Variants in DCC observed in about 807,000 individuals in gnomAD.
DCC encodes the protein netrin receptor DCC.
In DCC, 58 loss-of-function variants were observed where a neutral mutation model predicts 172.5. That is an observed-to-expected ratio of 0.34 (90% confidence interval 0.27 to 0.42). The LOEUF (loss-of-function observed/expected upper bound fraction) is 0.42, where lower values mean the gene tolerates loss of function less well. DCC is among the 10% of genes least tolerant of loss of function. The pLI is 1.00. For synonymous variants in DCC, 709 were observed against 644.5 expected (o/e 1.10, Z -1.52); for missense variants, 1,740 against 1,791.0 (o/e 0.97, Z 0.51).
At chr18:52,903,265 G>A (rs2039835436) in intron 2 of DCC, among the ~76,000 whole-genome samples, 1 of 152,124 alleles carries the variant, frequency 6.6e-6, no homozygotes, top group South Asian at 2.1e-4. Context: ...CAGTGCAGTG[G>A]CACAGTCTTA....
At chr18:52,846,367 G>A (rs566708860) in intron 2 of DCC, among the ~76,000 whole-genome samples, 75 of 151,988 alleles carry the variant, frequency 4.9e-4, no homozygotes, top group Non-Finnish European at 8.5e-4. Context: ...CATGGCGAAT[G>A]CTTTCTCCAC....
intron 1 of DCC, among the ~76,000 whole-genome samples, chr18:52,592,489 G>T (rs531633630): frequency 1.3e-5 from 2 of 152,138 alleles, no homozygotes; most frequent in Non-Finnish European, 2.9e-5. Flanking sequence ...ACTTTACAAA[G>T]GCTCACTCTA....
chr18:53,394,195 A>C (rs1267009001), intron 17 of DCC, among the ~76,000 whole-genome samples: 1 of 152,214 alleles, frequency 6.6e-6, no homozygotes, highest in Non-Finnish European at 1.5e-5. Flanking sequence ...ACCTCCTGTC[A>C]TGAAACTTAA....
At chr18:52,937,132 C>T (rs901375110) in intron 5 of DCC, among the ~76,000 whole-genome samples, 2 of 151,982 alleles carry the variant, frequency 1.3e-5, no homozygotes, top group Admixed American at 6.6e-5. Context: ...ACATTCCACC[C>T]GTGGTATATG....
At chr18:52,343,551 T>C (rs549989951) in intron 1 of DCC, among the ~76,000 whole-genome samples, 1 of 152,262 alleles carries the variant, frequency 6.6e-6, no homozygotes, top group Non-Finnish European at 1.5e-5. Context: ...GATGGTGACT[T>C]TTTAGTTGGC....
chr18:52,665,863 T>C (rs924343798), intron 1 of DCC, among the ~76,000 whole-genome samples: 2 of 152,226 alleles, frequency 1.3e-5, no homozygotes, highest in Admixed American at 6.5e-5. Flanking sequence ...CAAAGGAATC[T>C]AGAGTTCAAT....
At chr18:53,056,416 T>G (rs2042405066) in intron 5 of DCC, among the ~76,000 whole-genome samples, 1 of 152,150 alleles carries the variant, frequency 6.6e-6, no homozygotes, top group African/African-American at 2.4e-5. Context: ...CACCAATATG[T>G]TATCTCCAAA....
chr18:52,778,107 C>A (rs2037466250), intron 2 of DCC, among the ~76,000 whole-genome samples: 1 of 152,142 alleles, frequency 6.6e-6, no homozygotes, highest in Admixed American at 6.5e-5. Flanking sequence ...CCTCAGCTAT[C>A]ATACTAAGAA....
rs986534122 is a variant in DCC at position 53,535,579 on chromosome 18, A to C, written c.*4926A>C. On this transcript the variant is annotated 3_prime_UTR_variant, in exon 29 of 29. Coordinates refer to ENST00000442544, the MANE Select transcript of DCC (RefSeq NM_005215.4). ...TTTAACTAGCCTTAGTGAGAAAAGA[A>C]ATTTTTTGTTGTTACAAAACACCTT... The C allele has an allele frequency of 2.6e-5, 4 of 152,214 alleles. No individual in the cohort carries two copies. The highest frequency in any genetic ancestry group is 4.4e-5 in the Non-Finnish European group (3 of 68,034). 9.4% of individuals were successfully genotyped at this position (152,214 alleles called of 1,614,324 possible). A position where few individuals can be genotyped will look rare whatever the true frequency, so the allele number is the denominator to read the frequency against.
At chr18:53,470,675 C>T (rs188799330) in intron 25 of DCC, among the ~76,000 whole-genome samples, 33 of 151,914 alleles carry the variant, frequency 2.2e-4, no homozygotes, top group African/African-American at 6.8e-4. Context: ...AGAATCATGG[C>T]GGAAGGTGAA....
intron 2 of DCC, among the ~76,000 whole-genome samples, chr18:52,841,514 G>A (rs2038807063): frequency 6.6e-6 from 1 of 152,160 alleles, no homozygotes. Context: ...AAGGCATTCT[G>A]TCCGAGAAAG....
chr18:52,576,239 C>T (rs2033408823), intron 1 of DCC, among the ~76,000 whole-genome samples: 1 of 152,208 alleles, frequency 6.6e-6, no homozygotes, highest in South Asian at 2.1e-4. Flanking sequence ...GCATAGATGT[C>T]CGCAATCCAA....
chr18:52,643,797 C>A (rs1189845978), intron 1 of DCC, among the ~76,000 whole-genome samples: 2 of 152,106 alleles, frequency 1.3e-5, no homozygotes, highest in East Asian at 3.9e-4. Flanking sequence ...AACTTGTAGG[C>A]AAAGAGGAGA....
At chr18:52,833,922 C>T (rs2038659398) in intron 2 of DCC, among the ~76,000 whole-genome samples, 1 of 152,140 alleles carries the variant, frequency 6.6e-6, no homozygotes, top group Non-Finnish European at 1.5e-5. Flanking sequence ...CTTCGGCCTC[C>T]CAAAGTACTG....
At chr18:53,429,329 C>T (rs1380276241) in intron 21 of DCC, among the ~76,000 whole-genome samples, 1 of 151,000 alleles carries the variant, frequency 6.6e-6, no homozygotes, top group Admixed American at 6.7e-5. Context: ...AAGATGTAAA[C>T]CAAGAGCAGA....
chr18:53,165,074 T>C (rs2054895816), intron 8 of DCC, among the ~76,000 whole-genome samples: 3 of 152,282 alleles, frequency 2.0e-5, no homozygotes, highest in African/African-American at 4.8e-5. Context: ...GATGAGAGAA[T>C]TAAAACAATT....
At chr18:52,718,385 AT>A (rs1203792932) in intron 1 of DCC, among the ~76,000 whole-genome samples, 1 of 152,198 alleles carries the variant, frequency 6.6e-6, no homozygotes, top group Non-Finnish European at 1.5e-5. Flanking sequence ...CAAAAATCAA[AT>A]TTGGTTTAAG....
chr18:53,046,639 C>A (rs1289069544), intron 5 of DCC, among the ~76,000 whole-genome samples: 8 of 151,946 alleles, frequency 5.3e-5, no homozygotes, highest in African/African-American at 1.9e-4. Flanking sequence ...AAGAACCACT[C>A]CACCTACAGT....
At chr18:52,532,292 T>A (rs2032173569) in intron 1 of DCC, among the ~76,000 whole-genome samples, 2 of 152,212 alleles carry the variant, frequency 1.3e-5, no homozygotes, top group African/African-American at 4.8e-5. Context: ...GGACTTCTTA[T>A]CAAAGTTATA....
Sources: gnomAD v4.1 joint callset for allele counts (sites outside exome capture counted in the v4.1 genomes callset) on GRCh38, gnomAD v4.1.1 for gene constraint, MANE v1.5 for transcripts, NCBI Gene and HGNC (gene_info 2026-07-23, HGNC 2026-07-21) for gene names.